The following RAP1GDS1 variants were observed in gnomAD, a reference collection of about 807,000 sequenced individuals.
RAP1GDS1 encodes Rap1 GTPase-GDP dissociation stimulator 1, also known as RAP1, GTP-GDP dissociation stimulator 1.
A neutral mutation model predicts 71.1 loss-of-function variants in RAP1GDS1; 35 were observed. That is an observed-to-expected ratio of 0.49 (90% CI 0.38 to 0.65). RAP1GDS1 has a LOEUF of 0.65. RAP1GDS1 is among the 30% of genes least tolerant of loss of function. The pLI is 0.00. For missense variants in RAP1GDS1, 663 were observed against 706.1 expected (o/e 0.94, Z 0.69); for synonymous variants, 229 against 243.1 (o/e 0.94, Z 0.54).
chr4:98,427,785 C>T (rs1337978924), intron 12 of RAP1GDS1, among the ~76,000 whole-genome samples: 2 of 152,074 alleles, frequency 1.3e-5, no homozygotes, highest in Non-Finnish European at 2.9e-5. Context: ...GACCATACTG[C>T]CAAAAGCAAT....
intron 5 of RAP1GDS1, among the ~76,000 whole-genome samples, chr4:98,380,576 CTAAATA>C (rs1467700151): frequency 3.3e-5 from 5 of 151,680 alleles, no homozygotes; most frequent in Middle Eastern, 3.4e-3. Context: ...AACAAATGCC[CTAAATA>C]TAAATATGAG....
At chr4:98,273,186 G>T (rs1024169219) in intron 1 of RAP1GDS1, among the ~76,000 whole-genome samples, 1 of 152,128 alleles carries the variant, frequency 6.6e-6, no homozygotes, top group African/African-American at 2.4e-5. Context: ...CAAGTGCATT[G>T]TTGATGTTGC....
chr4:98,360,096 C>T (rs1166153684), intron 4 of RAP1GDS1, among the ~76,000 whole-genome samples: 1 of 152,112 alleles, frequency 6.6e-6, no homozygotes, highest in Non-Finnish European at 1.5e-5. Context: ...ATCCAAGATT[C>T]TATAAAGTTT....
chr4:98,410,191 A>G (rs1243482975), intron 7 of RAP1GDS1, among the ~76,000 whole-genome samples: 2 of 152,158 alleles, frequency 1.3e-5, no homozygotes, highest in Non-Finnish European at 2.9e-5. Flanking sequence ...GAATATAATT[A>G]TAACATATAA....
chr4:98,352,013 T>C (rs1414652909), intron 3 of RAP1GDS1, among the ~76,000 whole-genome samples: 1 of 150,126 alleles, frequency 6.7e-6, no homozygotes, highest in African/African-American at 2.4e-5. Context: ...CTTATATTTA[T>C]ATATATATTT....
chr4:98,417,084 A>G (rs936356498), intron 8 of RAP1GDS1, among the ~76,000 whole-genome samples, 196 bp downstream of exon 8: 2 of 152,226 alleles, frequency 1.3e-5, no homozygotes, highest in African/African-American at 2.4e-5. Context: ...TGTCTTCACT[A>G]TCTTCCAGTA....
At chr4:98,405,289 G>A (rs1430892242) in intron 7 of RAP1GDS1, among the ~76,000 whole-genome samples, 1 of 152,048 alleles carries the variant, frequency 6.6e-6, no homozygotes, top group Non-Finnish European at 1.5e-5. Flanking sequence ...TGAAATAAAT[G>A]GAAATTTCTG....
At chr4:98,301,799 G>A (rs1186997667) in intron 2 of RAP1GDS1, among the ~76,000 whole-genome samples, 1 of 152,166 alleles carries the variant, frequency 6.6e-6, no homozygotes. Flanking sequence ...GACAGGTCAG[G>A]AAAGCACCAC....
chr4:98,339,967 A>T (rs1735258882), intron 2 of RAP1GDS1, among the ~76,000 whole-genome samples: 1 of 151,564 alleles, frequency 6.6e-6, no homozygotes, highest in African/African-American at 2.4e-5. Flanking sequence ...TTGGGCATGT[A>T]CCCAAAGGAA....
At chr4:98,348,437 G>C (rs544015044) in intron 3 of RAP1GDS1, among the ~76,000 whole-genome samples, 6 of 152,196 alleles carry the variant, frequency 3.9e-5, no homozygotes, top group Non-Finnish European at 8.8e-5. Context: ...ACGTGTGCAT[G>C]TGTCTTTATA....
intron 4 of RAP1GDS1, among the ~76,000 whole-genome samples, chr4:98,353,272 T>A (rs2110423828): frequency 6.6e-6 from 1 of 152,374 alleles, no homozygotes; most frequent in African/African-American, 2.4e-5. Context: ...TTATTCTGAT[T>A]TTCCTTAGAG....
At chr4:98,288,378 T>A (rs1222070151) in intron 1 of RAP1GDS1, among the ~76,000 whole-genome samples, 1 of 152,208 alleles carries the variant, frequency 6.6e-6, no homozygotes, top group Non-Finnish European at 1.5e-5. Context: ...TTTTTATGGC[T>A]GCATAGTATT....
At chr4:98,406,059 A>T (rs114566508) in intron 7 of RAP1GDS1, among the ~76,000 whole-genome samples, 2,616 of 152,134 alleles carry the variant, frequency 0.017, 85 homozygotes, top group African/African-American at 0.058. Flanking sequence ...GTAATTTTTT[A>T]AAATGATATA....
At chr4:98,346,422 A>G (rs975551517) in intron 3 of RAP1GDS1, among the ~76,000 whole-genome samples, 1 of 152,176 alleles carries the variant, frequency 6.6e-6, no homozygotes, top group African/African-American at 2.4e-5. Context: ...TATAAAATGC[A>G]TGTGTGCCCT....
At chr4:98,325,171 A>G (rs867004080) in intron 2 of RAP1GDS1, among the ~76,000 whole-genome samples, 15 of 151,914 alleles carry the variant, frequency 9.9e-5, no homozygotes, top group African/African-American at 3.1e-4. Flanking sequence ...ACATGAAAAA[A>G]TGCTCACCAT....
At chr4:98,384,789 G>GTCC (rs1434312386) in intron 5 of RAP1GDS1, among the ~76,000 whole-genome samples, 5 of 151,544 alleles carry the variant, frequency 3.3e-5, no homozygotes, top group Admixed American at 6.6e-5. Flanking sequence ...AATTATTATA[G>GTCC]TCTTTTTGTC....
At chr4:98,277,939 C>T (rs376290144) in intron 1 of RAP1GDS1, among the ~76,000 whole-genome samples, 24 of 152,274 alleles carry the variant, frequency 1.6e-4, no homozygotes, top group African/African-American at 5.8e-4. Flanking sequence ...GATGAAAATA[C>T]GCTTTCTAGC....
chr4:98,304,482 CA>C (rs1195227487), intron 2 of RAP1GDS1, among the ~76,000 whole-genome samples: 1 of 152,158 alleles, frequency 6.6e-6, no homozygotes, highest in East Asian at 1.9e-4. Flanking sequence ...TTGTTGGCCG[CA>C]TAAGTGTCTT....
intron 2 of RAP1GDS1, among the ~76,000 whole-genome samples, chr4:98,324,274 CACAA>C (rs1732539005): frequency 6.6e-6 from 1 of 150,456 alleles, no homozygotes; most frequent in African/African-American, 2.5e-5. Flanking sequence ...TAAAAGAGGA[CACAA>C]ACAAATGGAA....
Sources: allele counts gnomAD v4.1 joint callset (sites outside exome capture counted in the v4.1 genomes callset), GRCh38; gene constraint gnomAD v4.1.1; transcripts MANE v1.5; gene names NCBI Gene and HGNC (gene_info 2026-07-23, HGNC 2026-07-21).